NRXN2: variants seen among roughly 807,000 people sequenced by gnomAD.
The protein encoded by NRXN2 is neurexin-2-beta.
NRXN2 carries 29 observed loss-of-function variants against 128.8 expected under a neutral mutation model. The ratio of observed to expected loss-of-function variants is 0.23; its 90% confidence interval spans 0.17 to 0.31. The LOEUF is 0.31. Ranked by LOEUF, NRXN2 falls within the 10% of genes least tolerant of loss-of-function variation. The pLI is 1.00. For missense variants in NRXN2, 1,881 were observed against 2,452.6 expected (o/e 0.77, Z 4.92); for synonymous variants, 1,098 against 1,075.2 (o/e 1.02, Z -0.41).
chr11:64,697,833 G>A (rs778823501), intron 2 of NRXN2, 41 bp from the exon 3 acceptor site: 21 of 1,612,234 alleles, frequency 1.3e-5, no homozygotes, highest in East Asian at 2.2e-5. Context: ...GGCAGAGAGA[G>A]AAGAAAAAGG....
At chr11:64,620,528 G>A (rs1418594812) in intron 21 of NRXN2, among the ~76,000 whole-genome samples, 156 bp from the exon 22 acceptor site, 1 of 152,010 alleles carries the variant, frequency 6.6e-6, no homozygotes, top group East Asian at 1.9e-4. Context: ...CTTGCTGGCT[G>A]ACCTCGGGCC....
chr11:64,713,486 C>A lies in NRXN2; in HGVS notation c.214G>T (p.Gly72Cys). Reference sequence around the variant, plus strand: ...AGCTCCAGGAAGTCGCAGTCGCCGCCGTCGTCCAGGTAGAGCAGCAGCGCG... The same window carrying A: ...AGCTCCAGGAAGTCGCAGTCGCCGCAGTCGTCCAGGTAGAGCAGCAGCGCG... ...TRALLLYLDD[G>C]GDCDFLELLL... The change falls in exon 2 of 23, where the codon GGC becomes TGC. Residue 72 changes from glycine to cysteine, a missense_variant. Transcript: ENST00000265459. The A allele has an allele frequency of 6.5e-7, 1 of 1,533,610 alleles. No homozygotes were observed. Among genetic ancestry groups the A allele is most frequent in the Non-Finnish European group, 8.7e-7 (1 of 1,149,830 alleles).
intron 2 of NRXN2, among the ~76,000 whole-genome samples, chr11:64,709,969 G>A (rs1419084242): frequency 1.3e-5 from 2 of 148,438 alleles, no homozygotes; most frequent in African/African-American, 5.0e-5. Flanking sequence ...GTGCAGTGGT[G>A]CCATCTCAGC....
chr11:64,701,659 A>T (rs2055377658), intron 2 of NRXN2, among the ~76,000 whole-genome samples: 1 of 152,176 alleles, frequency 6.6e-6, no homozygotes, highest in Admixed American at 6.5e-5. Flanking sequence ...GAATCACTTG[A>T]GCCTGGGTGG....
At position 64,648,035 on chromosome 11, in the gene NRXN2, G is replaced by A. The variant is rs1034899789; in HGVS notation, c.3403+184C>T. Among the ~76,000 whole-genome samples the A allele has an allele frequency of 1.3e-5, 2 of 152,192 alleles. No homozygotes were observed. Among genetic ancestry groups the A allele is most frequent in the Admixed American group, 6.5e-5 (1 of 15,284 alleles). ...CAGCAGCAATCCTGCACAGCCCCAG[G>A]AGAAAGACCCTATGAGGGGACAGCA... On this transcript the variant is annotated intron_variant, in intron 17 of 22. Coordinates refer to ENST00000265459, the MANE Select transcript of NRXN2 (RefSeq NM_015080.4). This position sits in a 1 kb window ranked among gnomAD's most constrained non-coding sequence, Gnocchi z 4.1.
At position 64,713,319 on chromosome 11, in the gene NRXN2, C is replaced by A. The variant is rs760381645; in HGVS notation, c.381G>T (p.Ala127=). The A allele has an allele frequency of 1.5e-6, 2 of 1,370,258 alleles. No individual in the cohort carries two copies. The highest frequency in any genetic ancestry group is 1.9e-6 in the Non-Finnish European group (2 of 1,069,390). The allele number at this position is 1,370,258 out of a possible 1,614,324, so 84.9% of individuals were successfully genotyped here. A position where few individuals can be genotyped will look rare whatever the true frequency, so the allele number is the denominator to read the frequency against. ...CGGCGGCGCGGGCCTCGCCGTCCAC[C>A]GCCAGCGCCGTGCGGCGCGCGTCGC... ...LTRDARRTAL[A]VDGEARAAEV... The change falls in exon 2 of 23, where the codon GCG becomes GCT. Residue 127 remains alanine (A), a synonymous_variant. Transcript: ENST00000265459.
At chr11:64,643,175 G>A (rs2046024077) in intron 17 of NRXN2, 21 of 981,014 alleles carry the variant, frequency 2.1e-5, no homozygotes, top group Non-Finnish European at 2.5e-5. Context: ...AAGCAGGGAG[G>A]GGAGAGCGAG....
chr11:64,627,422 G>A (rs1221720781), intron 19 of NRXN2, among the ~76,000 whole-genome samples: 2 of 145,232 alleles, frequency 1.4e-5, no homozygotes, highest in African/African-American at 2.6e-5. Context: ...CCTCTGCCCC[G>A]AATGCACCTT....
intron 17 of NRXN2, chr11:64,646,453 G>GA (rs1186014360): frequency 6.6e-6 from 1 of 152,338 alleles, no homozygotes; most frequent in Non-Finnish European, 1.5e-5. Context: ...CCCCAGGCAA[G>GA]AAGTGCCCAC....
intron 17 of NRXN2, among the ~76,000 whole-genome samples, chr11:64,645,397 C>T (rs2046491476): frequency 6.6e-6 from 1 of 151,906 alleles, no homozygotes; most frequent in Non-Finnish European, 1.5e-5. Context: ...TGTAAGAGAT[C>T]AATAGAGACT....
At position 64,648,026 on chromosome 11, in the gene NRXN2, C is replaced by T. The variant is rs2046953320; in HGVS notation, c.3403+193G>A. Among the ~76,000 whole-genome samples, 1 of 152,218 alleles carries T rather than the reference C, an allele frequency of 6.6e-6. No homozygotes were observed. Among genetic ancestry groups the T allele is most frequent in the Admixed American group, 6.5e-5 (1 of 15,288 alleles). ...AGCTTCAGGCAGCAGCAATCCTGCA[C>T]AGCCCCAGGAGAAAGACCCTATGAG... is the stretch of plus-strand genomic sequence containing the variant. On this transcript the variant is annotated intron_variant, in intron 17 of 22. Transcript: ENST00000265459. The surrounding 1 kb of genome is among the most constrained non-coding windows in gnomAD (Gnocchi z 4.1).
At chr11:64,614,920 T>C (rs1318991675) in intron 22 of NRXN2, among the ~76,000 whole-genome samples, 1 of 152,134 alleles carries the variant, frequency 6.6e-6, no homozygotes, top group Non-Finnish European at 1.5e-5. Context: ...GGACTTTGGG[T>C]GGTCTCCCTT....
At chr11:64,700,467 G>A (rs939641876) in intron 2 of NRXN2, among the ~76,000 whole-genome samples, 1 of 152,188 alleles carries the variant, frequency 6.6e-6, no homozygotes, top group South Asian at 2.1e-4. Flanking sequence ...GCCATGTGCT[G>A]GGCACCGTAC....
At position 64,660,885 on chromosome 11, in the gene NRXN2, A is replaced by C. The variant is rs763591559; in HGVS notation, c.2053T>G (p.Phe685Val). 3.7e-5 allele frequency: 60 copies of C among 1,613,456 alleles called. No homozygotes were observed. The Admixed American group carries it at 6.7e-4, about 18-fold the overall frequency. ...EAQGAVGVAPFCSRETLKQCA... is the reference protein window; with the variant it reads ...EAQGAVGVAPVCSRETLKQCA... ...TGCTTCAGCGTCTCCCGGGAGCAAA[A>C]GGGGGCAACGCCCACAGCCCCCTGA... Residue 685 changes from phenylalanine to valine, a missense_variant, in exon 10 of 23, where the codon TTT (phenylalanine) becomes GTT (valine). Phe to Val is a conservative substitution (Grantham distance 50, BLOSUM62 -1). Coordinates refer to ENST00000265459, the MANE Select transcript of NRXN2 (RefSeq NM_015080.4). This position sits in a 1 kb window ranked among gnomAD's most constrained non-coding sequence, Gnocchi z 5.2.
Position 64,660,588 on chromosome 11 carries a change from G to A in NRXN2, c.2186-53C>T, listed in dbSNP as rs1003287470. Reference sequence around the variant, plus strand: ...AGGAGAAGACAGGCAGAGGCCAGGGGAGGGAGAAGACCAGAGAATCATTAC... The same window carrying A: ...AGGAGAAGACAGGCAGAGGCCAGGGAAGGGAGAAGACCAGAGAATCATTAC... On this transcript the variant is annotated intron_variant, in intron 10 of 22. Coordinates refer to ENST00000265459, the MANE Select transcript of NRXN2 (RefSeq NM_015080.4). This position sits in a 1 kb window ranked among gnomAD's most constrained non-coding sequence, Gnocchi z 5.2. 1.9e-6 allele frequency: 3 copies of A among 1,600,486 alleles called. No homozygotes were observed. The highest frequency in any genetic ancestry group is 2.6e-6 in the Non-Finnish European group (3 of 1,170,178).
intron 17 of NRXN2, chr11:64,643,074 C>G: frequency 1.0e-6 from 1 of 988,008 alleles, no homozygotes; most frequent in Non-Finnish European, 1.2e-6. Context: ...CCGGCGGGGT[C>G]GGAGCGGCGC....
chr11:64,643,226 G>T, intron 17 of NRXN2: 8 of 982,782 alleles, frequency 8.1e-6, no homozygotes, highest in Non-Finnish European at 9.6e-6. Context: ...GCGGGGCGGT[G>T]CGGGCTGGAG....
Position 64,630,642 on chromosome 11 carries a change from T to C in NRXN2, c.3586-69A>G. The C allele has an allele frequency of 6.4e-7, 1 of 1,560,654 alleles. No individual in the cohort carries two copies. Among genetic ancestry groups the C allele is most frequent in the Non-Finnish European group, 8.8e-7 (1 of 1,136,936 alleles). On this transcript the variant is annotated intron_variant, in intron 18 of 22. Transcript: ENST00000265459. The surrounding 1 kb of genome is among the most constrained non-coding windows in gnomAD (Gnocchi z 4.6). The stretch of plus-strand genomic sequence containing the variant: ...ATTCATCCCTTCTAGTGGCTACTCC[T>C]GTGACCACCACTAGCCCAGCTCCGC...
At chr11:64,720,901 G>A (rs1308289082) in intron 1 of NRXN2, among the ~76,000 whole-genome samples, 1 of 152,158 alleles carries the variant, frequency 6.6e-6, no homozygotes, top group Non-Finnish European at 1.5e-5. Flanking sequence ...GCACAGGTGT[G>A]CCTGCGATGG....
Sources: gnomAD v4.1 joint callset for allele counts (sites outside exome capture counted in the v4.1 genomes callset) on GRCh38, gnomAD v4.1.1 for gene constraint, Gnocchi (gnomAD v3.1) non-coding constraint, MANE v1.5 for transcripts, NCBI Gene and HGNC (gene_info 2026-07-23, HGNC 2026-07-21) for gene names.